Variants in PER2 observed in about 807,000 individuals in gnomAD.
The protein encoded by PER2 is period circadian regulator 2.
Under a neutral mutation model 121.0 loss-of-function variants are expected in PER2, and 66 were observed. The observed-to-expected ratio is 0.55, with a 90% CI of 0.45 to 0.67. The LOEUF is 0.67. Among genes scored for constraint, PER2 ranks in the 30% least tolerant of loss-of-function variants. The pLI is 0.00. For synonymous variants in PER2, 684 were observed against 659.9 expected (o/e 1.04, Z -0.56); for missense variants, 1,521 against 1,635.0 (o/e 0.93, Z 1.20).
rs1695634389 is a variant in PER2 at position 238,252,521 on chromosome 2, T to G, written c.3111+391A>C. 6.6e-6 allele frequency among the ~76,000 whole-genome samples: 1 copy of G among 152,194 alleles called. No individual in the cohort carries two copies. Among genetic ancestry groups the G allele is most frequent in the African/African-American group, 2.4e-5 (1 of 41,444 alleles). On this transcript the variant is annotated intron_variant, in intron 19 of 22. Transcript: ENST00000254657. The surrounding 1 kb of genome is among the most constrained non-coding windows in gnomAD (Gnocchi z 4.2). ...GCTGTGTCCCCCTCCTTCTCCGCCT[T>G]CACCGGGGCCACCTGAGCCAGGCTC...
At chr2:238,246,994 G>C (rs1401051941) in intron 22 of PER2, among the ~76,000 whole-genome samples, 1 of 152,242 alleles carries the variant, frequency 6.6e-6, no homozygotes, top group Non-Finnish European at 1.5e-5. Context: ...GTAGCAGAGA[G>C]AGACAATAAC....
intron 14 of PER2, 62 bp downstream of exon 14, chr2:238,259,907 C>G: frequency 3.1e-4 from 237 of 754,100 alleles, no homozygotes; most frequent in Non-Finnish European, 4.9e-4. Flanking sequence ...ACCCAGGTTC[C>G]CTCTTCTCAT....
At chr2:238,298,461 C>T in the PER2 span, 1 of 152,190 alleles carries the variant, frequency 6.6e-6, no homozygotes, top group Non-Finnish European at 1.5e-5. Flanking sequence ...ATCTATCTTC[C>T]CACCTGTTTC....
chr2:238,246,910 C>T (rs1351642461), intron 22 of PER2, among the ~76,000 whole-genome samples: 5 of 152,136 alleles, frequency 3.3e-5, no homozygotes, highest in African/African-American at 1.2e-4. Flanking sequence ...GAGTAAGGTG[C>T]AGGTGACCAG....
rs531681010 is a variant in PER2, at chr2:238,248,391, T to C, written c.3618+671A>G. ...TGCCCACAGGGCCGCTGGAAGGACA[T>C]GTGCCTGAGAGCACGCCAGCAGGAA... On this transcript the variant is annotated intron_variant, in intron 22 of 22. Transcript: ENST00000254657. 5.9e-5 allele frequency among the ~76,000 whole-genome samples: 9 copies of C among 152,250 alleles called. No homozygotes were observed. In the East Asian group the frequency reaches 1.7e-3, roughly 29 times the overall value.
chr2:238,290,401 G>A (rs1246562758), upstream of PER2, among the ~76,000 whole-genome samples: 5 of 151,834 alleles, frequency 3.3e-5, no homozygotes, highest in Non-Finnish European at 4.4e-5. Context: ...GACGTCAATG[G>A]GGAGCTCCAT....
chr2:238,296,081 C>T, the PER2 span, among the ~76,000 whole-genome samples: 1 of 61,804 alleles, frequency 1.6e-5, no homozygotes, highest in Non-Finnish European at 3.3e-5. Context: ...AGTCGTGTGC[C>T]CTCCTGCTGC....
Position 238,255,596 on chromosome 2 carries a change from G to C in PER2, c.2320+61C>G, listed in dbSNP as rs992555217. Reference sequence around the variant, plus strand: ...ATTTCACATTTTGAAACCAGCACTGGACTCAGTACCAACAGGAATAAAGTT... The same window carrying C: ...ATTTCACATTTTGAAACCAGCACTGCACTCAGTACCAACAGGAATAAAGTT... On this transcript the variant is annotated intron_variant, in intron 18 of 22. Transcript: ENST00000254657. The C allele has an allele frequency of 2.0e-6, 3 of 1,535,390 alleles. No homozygotes were observed. The African/African-American group carries it at 4.1e-5, about 21-fold the overall frequency.
At chr2:238,291,180 T>TCCCCAC (rs1696944933), upstream of PER2, among the ~76,000 whole-genome samples, 1 of 152,004 alleles carries the variant, frequency 6.6e-6, no homozygotes, top group Non-Finnish European at 1.5e-5. Context: ...TAAGCCAGGG[T>TCCCCAC]CCCCACCTAC....
chr2:238,298,456 T>C, the PER2 span: 1 of 152,256 alleles, frequency 6.6e-6, no homozygotes, highest in African/African-American at 2.4e-5. Flanking sequence ...TTGGAATCTA[T>C]CTTCCCACCT....
intron 9 of PER2, among the ~76,000 whole-genome samples, chr2:238,263,963 G>A (rs967840587): frequency 2.0e-5 from 3 of 149,340 alleles, no homozygotes; most frequent in Admixed American, 6.7e-5. Context: ...AGGAGTGGGG[G>A]AACAGGAAGG....
intron 4 of PER2, among the ~76,000 whole-genome samples, 197 bp from the exon 5 acceptor site, chr2:238,273,388 T>G (rs1696353963): frequency 6.6e-6 from 1 of 152,194 alleles, no homozygotes; most frequent in African/African-American, 2.4e-5. Flanking sequence ...TATTTTTCCC[T>G]GAAACATCAG....
chr2:238,278,685 CAGG>C (rs760817994), intron 1 of PER2, among the ~76,000 whole-genome samples: 96 of 152,256 alleles, frequency 6.3e-4, no homozygotes, highest in Non-Finnish European at 1.1e-3. Flanking sequence ...GGCACAGTTA[CAGG>C]AGGAGGAGCC....
At chr2:238,291,061 T>A (rs569184244), upstream of PER2, among the ~76,000 whole-genome samples, 1 of 152,320 alleles carries the variant, frequency 6.6e-6, no homozygotes, top group African/African-American at 2.4e-5. Flanking sequence ...AGCTGTCACC[T>A]CCAGCACGGA....
At position 238,263,004 on chromosome 2, in the gene PER2, G is replaced by A. The variant is rs140875436; in HGVS notation, c.1101C>T (p.Leu367=). Residue 367 remains leucine, a synonymous_variant, in exon 10 of 23, where the codon CTC becomes CTT. Coordinates refer to ENST00000254657, the MANE Select transcript of PER2 (RefSeq NM_022817.3). ...LPQDLIETPV[L]VQLHPSDRPL... is the part of the protein sequence containing the mutation. ...GCCTGTCACTAGGGTGGAGCTGCAC[G>A]AGCACTGGGGTTTCAATCAGGTCCT... 87 of 1,613,934 alleles carry A rather than the reference G, an allele frequency of 5.4e-5. No individual in the cohort carries two copies. Among genetic ancestry groups the A allele is most frequent in the Non-Finnish European group, 6.6e-5 (78 of 1,179,958 alleles).
intron 1 of PER2, among the ~76,000 whole-genome samples, chr2:238,286,896 C>T (rs958117128): frequency 6.6e-6 from 1 of 152,204 alleles, no homozygotes; most frequent in Non-Finnish European, 1.5e-5. Context: ...GCACTGCAGA[C>T]GTGGCTCACA....
Position 238,255,787 on chromosome 2 carries a change from G to A in PER2, c.2190C>T (p.Leu730=), listed in dbSNP as rs150404490. ...FKKLGLTKEV[L]AAHTQKEEQS... is the part of the protein sequence containing the mutation. ...GCTCCTCCTTCTGTGTGTGTGCAGC[G>A]AGTACCTCCTTGGTGAGGCCCAGCT... Residue 730 remains leucine (L), a synonymous_variant, in exon 18 of 23, where the codon CTC becomes CTT. Coordinates refer to ENST00000254657, the MANE Select transcript of PER2 (RefSeq NM_022817.3). The A allele has an allele frequency of 9.9e-6, 16 of 1,613,988 alleles. No homozygotes were observed. The highest frequency in any genetic ancestry group is 5.3e-5 in the African/African-American group (4 of 74,896).
intron 9 of PER2, among the ~76,000 whole-genome samples, chr2:238,265,029 C>T (rs1429860256): frequency 6.6e-6 from 1 of 152,250 alleles, no homozygotes; most frequent in Non-Finnish European, 1.5e-5. Context: ...AACATGGGTG[C>T]TCCCAAATCT....
rs1305345396 is a variant in PER2 at position 238,245,356 on chromosome 2, G to C, written c.*1019C>G. 1.0e-5 allele frequency: 4 copies of C among 385,012 alleles called. No homozygotes were observed. The highest frequency in any genetic ancestry group is 3.7e-5 in the East Asian group (1 of 27,262). The allele number at this position is 385,012 out of a possible 1,614,324, so 23.8% of individuals were successfully genotyped here. On this transcript the variant is annotated 3_prime_UTR_variant, in exon 23 of 23. Transcript: ENST00000254657. ...AATGAGGGCTGTGCACCCAACCCAGGGTGCAGTGGGAGAGGTGAGCTCACT... is the reference window on the plus strand; with the variant it reads ...AATGAGGGCTGTGCACCCAACCCAGCGTGCAGTGGGAGAGGTGAGCTCACT...
Sources: gnomAD v4.1 joint callset for allele counts (sites outside exome capture counted in the v4.1 genomes callset) on GRCh38, gnomAD v4.1.1 for gene constraint, Gnocchi (gnomAD v3.1) non-coding constraint, MANE v1.5 for transcripts, NCBI Gene and HGNC (gene_info 2026-07-23, HGNC 2026-07-21) for gene names.